Variants in KIF26B observed in about 807,000 individuals in gnomAD.
KIF26B encodes the protein kinesin family member 26B, also known as kinesin-like protein KIF26B.
Under a neutral mutation model 151.2 loss-of-function variants are expected in KIF26B, and 63 were observed. The ratio of observed to expected loss-of-function variants is 0.42; its 90% CI spans 0.34 to 0.51. The LOEUF is 0.51. Among genes scored for constraint, KIF26B ranks in the 20% least tolerant of loss-of-function variants. The probability of loss-of-function intolerance (pLI) is 0.07; values close to 1 mark genes in which losing one functional copy is unlikely to be tolerated. For synonymous variants in KIF26B, 1,357 were observed against 1,262.1 expected (o/e 1.08, Z -1.59); for missense variants, 2,813 against 2,913.6 (o/e 0.97, Z 0.79).
chr1:245,429,604 A>AT (rs1487343310), intron 4 of KIF26B, among the ~76,000 whole-genome samples: 2 of 151,932 alleles, frequency 1.3e-5, no homozygotes, highest in African/African-American at 4.8e-5. Flanking sequence ...AAGAGGTTTC[A>AT]TTTTTTTGTT....
intron 2 of KIF26B, among the ~76,000 whole-genome samples, chr1:245,349,536 ATTTG>A (rs1043609705): frequency 2.5e-4 from 34 of 136,770 alleles, no homozygotes; most frequent in African/African-American, 7.6e-4. Context: ...ATTAATGTTG[ATTTG>A]TTTAAGAGAA....
chr1:245,364,221 T>C (rs1672887173), intron 2 of KIF26B, among the ~76,000 whole-genome samples: 1 of 151,980 alleles, frequency 6.6e-6, no homozygotes. Context: ...GGCAATAAGC[T>C]GAATAAAGAA....
chr1:245,561,873 C>T (rs35648880), intron 5 of KIF26B, among the ~76,000 whole-genome samples: 20,098 of 152,206 alleles, frequency 0.13, 1,762 homozygotes, highest in Non-Finnish European at 0.19. Context: ...ACCTGATTCT[C>T]ACTACTGACG....
chr1:245,620,524 C>T (rs1336840246), intron 9 of KIF26B, among the ~76,000 whole-genome samples: 1 of 152,112 alleles, frequency 6.6e-6, no homozygotes, highest in Non-Finnish European at 1.5e-5. Context: ...TTCAGCCTCC[C>T]ACGTAGCTGG....
chr1:245,359,238 C>T (rs911038227), intron 2 of KIF26B, among the ~76,000 whole-genome samples: 11 of 152,006 alleles, frequency 7.2e-5, no homozygotes, highest in African/African-American at 2.2e-4. Flanking sequence ...AGGCTGGTCT[C>T]GAACTCCTGA....
intron 4 of KIF26B, among the ~76,000 whole-genome samples, chr1:245,453,149 G>T (rs1209379279): frequency 1.3e-5 from 2 of 152,016 alleles, no homozygotes; most frequent in African/African-American, 4.8e-5. Flanking sequence ...TTTGCATGTA[G>T]AAATCTGGTT....
At chr1:245,460,176 G>A (rs541624023) in intron 4 of KIF26B, among the ~76,000 whole-genome samples, 16 of 152,192 alleles carry the variant, frequency 1.1e-4, no homozygotes, top group Admixed American at 6.5e-4. Context: ...CATGTTGGTC[G>A]GGCTGTCTCA....
chr1:245,173,516 G>A lies in KIF26B; in HGVS notation c.465+16833G>A, dbSNP rs114257724. ...CTGGCCACCAGAGACTCCCAAGCAC[G>A]TTACAAGCAGTCTCACGTTTGATCC... On this transcript the variant is annotated intron_variant, in intron 2 of 14. Transcript: ENST00000407071. 9.3e-3 allele frequency among the ~76,000 whole-genome samples: 1,413 copies of A among 152,220 alleles called. 11 individuals are homozygous for A. Among genetic ancestry groups the A allele is most frequent in the African/African-American group, 0.013 (539 of 41,542 alleles).
chr1:245,522,982 G>T (rs1661161775), intron 4 of KIF26B, among the ~76,000 whole-genome samples: 1 of 152,114 alleles, frequency 6.6e-6, no homozygotes, highest in South Asian at 2.1e-4. Flanking sequence ...CACCTACCAG[G>T]TGTTTACTCT....
intron 5 of KIF26B, among the ~76,000 whole-genome samples, chr1:245,568,258 G>A (rs1426349099): frequency 7.0e-6 from 1 of 142,256 alleles, no homozygotes; most frequent in Non-Finnish European, 1.5e-5. Flanking sequence ...GCTCATACAT[G>A]TAATCCCAAC....
chr1:245,533,921 T>C (rs530665834), intron 4 of KIF26B, among the ~76,000 whole-genome samples: 1 of 152,314 alleles, frequency 6.6e-6, no homozygotes, highest in African/African-American at 2.4e-5. Flanking sequence ...TTTGGGTAGA[T>C]CTGGCCAATG....
intron 4 of KIF26B, among the ~76,000 whole-genome samples, chr1:245,471,707 C>T (rs1313697154): frequency 6.6e-6 from 1 of 151,934 alleles, no homozygotes; most frequent in Non-Finnish European, 1.5e-5. Flanking sequence ...TTAATCAATT[C>T]ATTCATTGAG....
chr1:245,540,739 C>T lies in KIF26B; in HGVS notation c.1167-28C>T, dbSNP rs1661597975. On this transcript the variant is annotated intron_variant, in intron 4 of 14. Transcript: ENST00000407071. This position sits in a 1 kb window ranked among gnomAD's most constrained non-coding sequence, Gnocchi z 4.6. ...GCAGATCTGATCGTACAATCATTTT[C>T]CCCTTATTGTTCCTTTTTCCACTCC... The T allele has an allele frequency of 1.9e-6, 3 of 1,586,562 alleles. No individual in the cohort carries two copies. In the Admixed American group the frequency reaches 5.0e-5, roughly 26 times the overall value.
At chr1:245,225,049 T>C (rs1669846944) in intron 2 of KIF26B, among the ~76,000 whole-genome samples, 1 of 152,234 alleles carries the variant, frequency 6.6e-6, no homozygotes, top group Admixed American at 6.5e-5. Context: ...CAAGGTAGTT[T>C]ACACCATTTT....
At chr1:245,434,722 G>A (rs1022441163) in intron 4 of KIF26B, among the ~76,000 whole-genome samples, 1 of 152,090 alleles carries the variant, frequency 6.6e-6, no homozygotes, top group African/African-American at 2.4e-5. Flanking sequence ...TCTCTAGGTG[G>A]GGATAATTCT....
At chr1:245,202,945 A>AAAAAC (rs147242826) in intron 2 of KIF26B, among the ~76,000 whole-genome samples, 40,481 of 148,276 alleles carry the variant, frequency 0.27, 5,974 homozygotes, top group East Asian at 0.64. Context: ...CTGTCTCAAA[A>AAAAAC]AAAACAAAAC....
At chr1:245,532,457 G>C (rs1452063851) in intron 4 of KIF26B, among the ~76,000 whole-genome samples, 1 of 151,898 alleles carries the variant, frequency 6.6e-6, no homozygotes, top group East Asian at 1.9e-4. Flanking sequence ...GTGTTAGCCA[G>C]GATGGTCTCG....
At chr1:245,511,604 G>T (rs1660839255) in intron 4 of KIF26B, among the ~76,000 whole-genome samples, 1 of 152,142 alleles carries the variant, frequency 6.6e-6, no homozygotes, top group South Asian at 2.1e-4. Context: ...TTGTTTGTTT[G>T]TTTGGTTTTG....
At chr1:245,429,578 A>G (rs1658730161) in intron 4 of KIF26B, among the ~76,000 whole-genome samples, 1 of 152,070 alleles carries the variant, frequency 6.6e-6, no homozygotes, top group Non-Finnish European at 1.5e-5. Flanking sequence ...GTCACTGCTC[A>G]CCTCTAAATC....
Sources: gnomAD v4.1 joint callset for allele counts (sites outside exome capture counted in the v4.1 genomes callset) on GRCh38, gnomAD v4.1.1 for gene constraint, Gnocchi (gnomAD v3.1) non-coding constraint, MANE v1.5 for transcripts, NCBI Gene and HGNC (gene_info 2026-07-23, HGNC 2026-07-21) for gene names.